CA5A: variants seen among roughly 807,000 people sequenced by gnomAD.
CA5A encodes carbonic anhydrase 5A.
A neutral mutation model predicts 37.1 loss-of-function variants in CA5A; 28 were observed. That is an observed-to-expected ratio of 0.75 (90% CI 0.56 to 1.03). The LOEUF is 1.03. Ranked by LOEUF, CA5A falls within the 50% of genes least tolerant of loss-of-function variation. The pLI is 0.00. For synonymous variants in CA5A, 171 were observed against 158.4 expected (o/e 1.08, Z -0.60); for missense variants, 444 against 399.9 (o/e 1.11, Z -0.94).
chr16:87,888,379 G>C (rs2055667885), intron 6 of CA5A, 107 bp from the exon 7 acceptor site: 1 of 968,040 alleles, frequency 1.0e-6, no homozygotes, highest in Non-Finnish European at 1.5e-6. Flanking sequence ...AATCAGGATG[G>C]CCCGAAATGA....
intron 2 of CA5A, among the ~76,000 whole-genome samples, chr16:87,925,268 A>G (rs2015381263): frequency 6.6e-6 from 1 of 152,168 alleles, no homozygotes; most frequent in African/African-American, 2.4e-5. Flanking sequence ...GCTAAGCTAC[A>G]TTCAGCAAAA....
intron 1 of CA5A, among the ~76,000 whole-genome samples, chr16:87,927,744 C>T (rs575597464): frequency 1.1e-4 from 16 of 151,750 alleles, no homozygotes; most frequent in African/African-American, 3.9e-4. Flanking sequence ...GCCTGTAATC[C>T]CAGGTACTCA....
intron 3 of CA5A, 76 bp downstream of exon 3, chr16:87,904,710 G>C (rs2055931753): frequency 4.4e-6 from 4 of 909,626 alleles, no homozygotes; most frequent in Middle Eastern, 2.2e-4. Flanking sequence ...GGCGCGCATG[G>C]CTTGTTCACC....
At chr16:87,912,109 C>A (rs1392330348) in intron 2 of CA5A, among the ~76,000 whole-genome samples, 2 of 152,072 alleles carry the variant, frequency 1.3e-5, no homozygotes, top group African/African-American at 4.8e-5. Context: ...TGAGACCAGC[C>A]TGGGCAACAT....
intron 2 of CA5A, chr16:87,923,695 A>G: frequency 2.0e-6 from 2 of 985,442 alleles, no homozygotes; most frequent in Non-Finnish European, 2.4e-6. Flanking sequence ...TTGTAAAATA[A>G]CAAACAAAAG....
chr16:87,901,065 A>C (rs1168891782), intron 5 of CA5A, among the ~76,000 whole-genome samples: 1 of 152,172 alleles, frequency 6.6e-6, no homozygotes, highest in East Asian at 1.9e-4. Context: ...CCCCGTCTCT[A>C]CTAAAAATAC....
At chr16:87,932,847 A>G (rs1456383058) in intron 1 of CA5A, among the ~76,000 whole-genome samples, 2 of 152,110 alleles carry the variant, frequency 1.3e-5, no homozygotes, top group Admixed American at 6.5e-5. Context: ...CCTCCATGGG[A>G]GGAGCTATCC....
rs756854770 is a variant in CA5A at position 87,891,810 on chromosome 16, C to T, written c.763G>A (p.Ala255Thr). Reference protein sequence around the residue: ...WIIQKEPVEVAPSQLSAFRTL... With the variant: ...WIIQKEPVEVTPSQLSAFRTL... ...CGGGCACGGCTCACCTGGCTTGGGG[C>T]CACTTCAACGGGCTCCTTCTGGATG... Residue 255 changes from alanine (A) to threonine (T), a missense_variant, in exon 6 of 7, where the codon GCC becomes ACC. Transcript: ENST00000649794. 4.9e-5 allele frequency: 75 copies of T among 1,530,280 alleles called. No homozygotes were observed. Among genetic ancestry groups the T allele is most frequent in the Non-Finnish European group, 6.5e-5 (74 of 1,142,478 alleles). The allele number at this position is 1,530,280 out of a possible 1,614,324, so 94.8% of individuals were successfully genotyped here.
chr16:87,906,588 C>T (rs1180948829), intron 2 of CA5A, among the ~76,000 whole-genome samples: 1 of 151,928 alleles, frequency 6.6e-6, no homozygotes, highest in African/African-American at 2.4e-5. Flanking sequence ...GAACGTGCCA[C>T]TGTACTCCAG....
At position 87,932,161 on chromosome 16, in the gene CA5A, CA is replaced by C; in HGVS notation, c.142+4147del. 3.3e-5 allele frequency among the ~76,000 whole-genome samples: 5 copies of C among 152,224 alleles called. No homozygotes were observed. The South Asian group carries it at 1.0e-3, about 32-fold the overall frequency. On this transcript the variant is annotated intron_variant, in intron 1 of 6. Transcript: ENST00000649794. ...AGGCCTCACAAATCTCCCTTGCATC[CA>C]ACGGGAAGCAGGATTGAGTGCACTC...
At position 87,891,823 on chromosome 16, in the gene CA5A, C is replaced by T. The variant is rs1277148231; in HGVS notation, c.750G>A (p.Glu250=). The T allele has an allele frequency of 6.5e-7, 1 of 1,548,726 alleles. No homozygotes were observed. The highest frequency in any genetic ancestry group is 8.7e-7 in the Non-Finnish European group (1 of 1,151,614). ...TESVTWIIQK[E]PVEVAPSQLS... Reference sequence around the variant, plus strand: ...CCTGGCTTGGGGCCACTTCAACGGGCTCCTTCTGGATGATCCAGGTGACCG... The same window carrying T: ...CCTGGCTTGGGGCCACTTCAACGGGTTCCTTCTGGATGATCCAGGTGACCG... The change falls in exon 6 of 7, where the codon GAG becomes GAA. Residue 250 remains glutamate (E), a synonymous_variant. Transcript: ENST00000649794.
intron 6 of CA5A, among the ~76,000 whole-genome samples, chr16:87,891,091 GC>G (rs1226080140): frequency 6.6e-6 from 1 of 151,102 alleles, no homozygotes; most frequent in Non-Finnish European, 1.5e-5. Context: ...ATGACGCCCA[GC>G]CCAAGAGTAT....
intron 2 of CA5A, among the ~76,000 whole-genome samples, chr16:87,909,208 G>C (rs1439214401): frequency 6.6e-6 from 1 of 152,124 alleles, no homozygotes; most frequent in Non-Finnish European, 1.5e-5. Flanking sequence ...TAAGAGACAA[G>C]TCAGCCCTTT....
intron 5 of CA5A, among the ~76,000 whole-genome samples, chr16:87,899,373 G>A (rs1404374540): frequency 7.1e-6 from 1 of 139,890 alleles, no homozygotes; most frequent in East Asian, 2.1e-4. Context: ...CACAATCTGA[G>A]CTCACTGCAA....
At chr16:87,881,832 G>A (rs898449423) in exon 5 of CA5A, 5 of 152,202 alleles carry the variant, frequency 3.3e-5, no homozygotes, top group African/African-American at 1.2e-4. Flanking sequence ...AGGCTCGGAT[G>A]GCTTCCCGGG....
chr16:87,917,768 A>G (rs1239518666), intron 2 of CA5A, among the ~76,000 whole-genome samples: 2 of 97,856 alleles, frequency 2.0e-5, no homozygotes, highest in African/African-American at 1.7e-4. Flanking sequence ...CACAGTGCAC[A>G]TGTGCACACA....
rs565557401 is a variant in CA5A at position 87,899,919 on chromosome 16, C to CAAAAAAAAAAAAAAA, written c.618+1978_618+1992dup. The stretch of plus-strand genomic sequence containing the variant: ...TGGGCAACAGAGCGAGATTTTATCT[C>CAAAAAAAAAAAAAAA]AAAAAAAAAAAAAAAAAAAAAAAAA... On this transcript the variant is annotated intron_variant, in intron 5 of 6. Coordinates refer to ENST00000649794, the MANE Select transcript of CA5A (RefSeq NM_001739.2). Among the ~76,000 whole-genome samples the CAAAAAAAAAAAAAAA allele has an allele frequency of 1.1e-4, 5 of 46,510 alleles. 1 individual carries two copies. Among genetic ancestry groups the CAAAAAAAAAAAAAAA allele is most frequent in the African/African-American group, 4.1e-4 (5 of 12,254 alleles). 30.5% of individuals were successfully genotyped at this position (46,510 alleles called of 152,430 possible).
intron 1 of CA5A, among the ~76,000 whole-genome samples, chr16:87,929,239 G>A (rs1448170805): frequency 2.0e-5 from 3 of 150,142 alleles, no homozygotes; most frequent in African/African-American, 4.9e-5. Flanking sequence ...ATCACCTGAG[G>A]TCAGGAGTTT....
chr16:87,904,273 C>T (rs1218893312), intron 3 of CA5A, among the ~76,000 whole-genome samples: 2 of 151,404 alleles, frequency 1.3e-5, no homozygotes, highest in African/African-American at 2.4e-5. Context: ...GCCTGGGAGA[C>T]GGAGGTTGTG....
Sources: allele counts gnomAD v4.1 joint callset (sites outside exome capture counted in the v4.1 genomes callset), GRCh38; gene constraint gnomAD v4.1.1; transcripts MANE v1.5; gene names NCBI Gene and HGNC (gene_info 2026-07-23, HGNC 2026-07-21).